TEX9: variants seen among roughly 807,000 people sequenced by gnomAD.
TEX9 encodes the protein testis-expressed protein 9.
In TEX9, 74 loss-of-function variants were observed where a neutral mutation model predicts 59.6. The ratio of observed to expected loss-of-function variants is 1.24; its 90% CI spans 1.03 to 1.51. The LOEUF is 1.51. Among genes scored for constraint, TEX9 ranks in the 40% most tolerant of loss-of-function variants. The pLI, the probability that TEX9 is intolerant of heterozygous loss-of-function variation, is 0.00. For missense variants in TEX9, 522 were observed against 447.8 expected (o/e 1.17, Z -1.49); for synonymous variants, 186 against 152.2 (o/e 1.22, Z -1.64).
intron 10 of TEX9, among the ~76,000 whole-genome samples, chr15:56,418,956 A>G (rs2049835783): frequency 6.6e-6 from 1 of 151,878 alleles, no homozygotes; most frequent in Non-Finnish European, 1.5e-5. Flanking sequence ...TGGAGTTTTG[A>G]TAGGCATTGT....
chr15:56,315,801 A>G (rs1465641093), intron 1 of TEX9, among the ~76,000 whole-genome samples: 1 of 147,880 alleles, frequency 6.8e-6, no homozygotes. Context: ...TCAGATGTAG[A>G]TTTGGTCTTT....
chr15:56,452,817 C>G, the TEX9 span, among the ~76,000 whole-genome samples: 1 of 152,124 alleles, frequency 6.6e-6, no homozygotes, highest in Non-Finnish European at 1.5e-5. Flanking sequence ...CGCACCCGGC[C>G]TAATCCATAT....
intron 12 of TEX9, chr15:56,431,600 C>CTAT: frequency 9.3e-7 from 1 of 1,075,864 alleles, no homozygotes; most frequent in South Asian, 1.6e-5. Context: ...AATTGATGAA[C>CTAT]TATTTATGAC....
intron 3 of TEX9, among the ~76,000 whole-genome samples, chr15:56,374,920 G>A (rs2047362390): frequency 6.6e-6 from 1 of 152,132 alleles, no homozygotes; most frequent in African/African-American, 2.4e-5. Flanking sequence ...TTGTGTATAT[G>A]TATCACATTT....
intron 9 of TEX9, among the ~76,000 whole-genome samples, chr15:56,399,178 AG>A (rs1172988391): frequency 1.3e-3 from 204 of 152,234 alleles, no homozygotes; most frequent in Non-Finnish European, 2.5e-3. Context: ...GGGAAGTGCA[AG>A]GGGTTGGGGG....
At chr15:56,447,637 ATTT>A (rs1379012421), downstream of TEX9, 1 of 152,156 alleles carries the variant, frequency 6.6e-6, no homozygotes. Context: ...CACTGAATAT[ATTT>A]TTTAGTTTTC....
intron 12 of TEX9, chr15:56,434,444 G>C (rs1322771986): frequency 2.6e-6 from 4 of 1,522,358 alleles, no homozygotes; most frequent in Non-Finnish European, 2.7e-6. Flanking sequence ...CCTTACACCA[G>C]ATTTATAAGG....
downstream of TEX9, among the ~76,000 whole-genome samples, chr15:56,446,453 A>G (rs183230366): frequency 1.3e-5 from 2 of 152,140 alleles, no homozygotes; most frequent in East Asian, 1.9e-4. Flanking sequence ...ATAAAACTGG[A>G]AAGTTTCCTA....
At position 56,247,576 on chromosome 15, in the gene TEX9, G is replaced by A. The variant is rs1480643455; in HGVS notation, c.-107+3298G>A. Among the ~76,000 whole-genome samples the A allele has an allele frequency of 2.6e-5, 4 of 152,266 alleles. No individual in the cohort carries two copies. In the East Asian group the frequency reaches 7.7e-4, roughly 29 times the overall value. On this transcript the variant is annotated intron_variant, in intron 1 of 5. Transcript: ENST00000560827. ...CTGAAGGAATAATGCATAGCACGGT[G>A]TTGACTCTGTGATCAGATCCTAAAG...
downstream of TEX9, among the ~76,000 whole-genome samples, chr15:56,448,583 G>A (rs2050924688): frequency 6.6e-6 from 1 of 152,136 alleles, no homozygotes; most frequent in Non-Finnish European, 1.5e-5. Flanking sequence ...TTTTATGTCT[G>A]TAGAGTATTC....
chr15:56,386,183 A>C (rs1430739819), intron 4 of TEX9, among the ~76,000 whole-genome samples: 2 of 152,042 alleles, frequency 1.3e-5, no homozygotes, highest in African/African-American at 4.8e-5. Context: ...AGGCTAAAAA[A>C]CGTCCATAAT....
chr15:56,457,858 A>G, the TEX9 span, among the ~76,000 whole-genome samples: 2 of 151,980 alleles, frequency 1.3e-5, no homozygotes, highest in East Asian at 3.9e-4. Context: ...CAACTCAACA[A>G]TTTTACCTCT....
At chr15:56,300,046 G>A (rs1286552748) in intron 1 of TEX9, among the ~76,000 whole-genome samples, 1 of 152,046 alleles carries the variant, frequency 6.6e-6, no homozygotes, top group African/African-American at 2.4e-5. Flanking sequence ...CAACAGCGAG[G>A]TACAGCACCA....
At chr15:56,353,534 C>A (rs574318342) in intron 1 of TEX9, among the ~76,000 whole-genome samples, 103 of 152,196 alleles carry the variant, frequency 6.8e-4, no homozygotes, top group Non-Finnish European at 1.3e-3. Context: ...TTTAAGGTTA[C>A]ATTAATTTAA....
At chr15:56,307,742 C>T (rs2045516787) in intron 1 of TEX9, among the ~76,000 whole-genome samples, 1 of 152,122 alleles carries the variant, frequency 6.6e-6, no homozygotes, top group African/African-American at 2.4e-5. Context: ...GTCATTCTCC[C>T]CTGCCCCCAG....
At chr15:56,258,878 T>C (rs2044202489) in intron 1 of TEX9, among the ~76,000 whole-genome samples, 1 of 150,426 alleles carries the variant, frequency 6.6e-6, no homozygotes, top group Admixed American at 6.7e-5. Flanking sequence ...ATGTTATTTG[T>C]TGGATATATA....
At chr15:56,289,737 G>A (rs1484600987) in intron 1 of TEX9, among the ~76,000 whole-genome samples, 1 of 152,144 alleles carries the variant, frequency 6.6e-6, no homozygotes, top group Admixed American at 6.5e-5. Flanking sequence ...CTATGGAGTG[G>A]CCATGGAGCT....
intron 12 of TEX9, chr15:56,431,406 C>T (rs1239151997): frequency 1.2e-6 from 2 of 1,613,206 alleles, no homozygotes; most frequent in South Asian, 1.1e-5. Context: ...TTGTAGCATG[C>T]TCTTTAAGAA....
At chr15:56,417,629 A>T (rs1176540457) in intron 10 of TEX9, among the ~76,000 whole-genome samples, 1 of 151,872 alleles carries the variant, frequency 6.6e-6, no homozygotes, top group Non-Finnish European at 1.5e-5. Flanking sequence ...GTTTTAGAGT[A>T]TGTGCCATAT....
Sources: gnomAD v4.1 joint callset for allele counts (sites outside exome capture counted in the v4.1 genomes callset) on GRCh38, gnomAD v4.1.1 for gene constraint, MANE v1.5 for transcripts, NCBI Gene and HGNC (gene_info 2026-07-23, HGNC 2026-07-21) for gene names.